TBC1D30: variants seen among roughly 807,000 people sequenced by gnomAD.
TBC1D30 encodes the protein TBC1 domain family member 30.
A neutral mutation model predicts 63.2 loss-of-function variants in TBC1D30; 31 were observed. The ratio of observed to expected loss-of-function variants is 0.49; its 90% CI spans 0.37 to 0.66. The LOEUF is 0.66. Among genes scored for constraint, TBC1D30 ranks in the 30% least tolerant of loss-of-function variants. The pLI is 0.00. For missense variants in TBC1D30, 810 were observed against 953.6 expected (o/e 0.85, Z 1.98); for synonymous variants, 307 against 361.5 (o/e 0.85, Z 1.71).
intron 8 of TBC1D30, among the ~76,000 whole-genome samples, chr12:64,860,487 A>C (rs1261307976): frequency 6.6e-6 from 1 of 151,742 alleles, no homozygotes. Flanking sequence ...TTTTTCTGTA[A>C]GTAGCAAGTT....
chr12:64,794,919 C>A (rs1872160414), intron 2 of TBC1D30, among the ~76,000 whole-genome samples: 1 of 152,046 alleles, frequency 6.6e-6, no homozygotes, highest in African/African-American at 2.4e-5. Context: ...TTTCTTATTG[C>A]TCTAAAGATA....
At chr12:64,807,918 GTTTTTTT>G (rs774145443) in intron 2 of TBC1D30, among the ~76,000 whole-genome samples, 1 of 93,528 alleles carries the variant, frequency 1.1e-5, no homozygotes, top group Non-Finnish European at 1.9e-5. Context: ...CCTAATTTAA[GTTTTTTT>G]TTTTTTTTTT....
At chr12:64,802,478 TTTTG>T (rs1470066931) in intron 2 of TBC1D30, among the ~76,000 whole-genome samples, 11 of 152,126 alleles carry the variant, frequency 7.2e-5, no homozygotes, top group East Asian at 1.9e-4. Flanking sequence ...TCCCCACCAA[TTTTG>T]TTTCTTTCTT....
At chr12:64,792,063 TAAAAC>T (rs947692810) in intron 2 of TBC1D30, among the ~76,000 whole-genome samples, 5 of 152,230 alleles carry the variant, frequency 3.3e-5, no homozygotes, top group African/African-American at 1.2e-4. Flanking sequence ...TTCAAGATGT[TAAAAC>T]AATTTCACTG....
chr12:64,829,921 TGA>T (rs1449988383), intron 3 of TBC1D30, among the ~76,000 whole-genome samples: 1 of 152,134 alleles, frequency 6.6e-6, no homozygotes, highest in Non-Finnish European at 1.5e-5. Context: ...TGTATGTGTG[TGA>T]GAGGGATGGT....
chr12:64,835,546 C>T (rs1875270342), intron 5 of TBC1D30, among the ~76,000 whole-genome samples: 1 of 152,046 alleles, frequency 6.6e-6, no homozygotes, highest in Non-Finnish European at 1.5e-5. Flanking sequence ...AGGAGCTGGT[C>T]TTTTAGGGAA....
intron 2 of TBC1D30, among the ~76,000 whole-genome samples, chr12:64,795,283 T>C (rs1393639549): frequency 6.6e-6 from 1 of 152,174 alleles, no homozygotes; most frequent in African/African-American, 2.4e-5. Flanking sequence ...TGCTGGTATT[T>C]TGGGAGCCGA....
intron 2 of TBC1D30, among the ~76,000 whole-genome samples, chr12:64,803,129 C>T (rs906972964): frequency 6.6e-6 from 1 of 152,140 alleles, no homozygotes; most frequent in Non-Finnish European, 1.5e-5. Context: ...TAAAAGTGTT[C>T]CTATTTCTCC....
intron 1 of TBC1D30, among the ~76,000 whole-genome samples, chr12:64,760,859 G>T: frequency 6.6e-6 from 1 of 150,542 alleles, no homozygotes. Context: ...TTATTACTTT[G>T]TTTTTTTCAC....
chr12:64,875,524 G>T lies in TBC1D30; in HGVS notation c.2022G>T (p.Val674=). 1 of 1,536,130 alleles carries T rather than the reference G, an allele frequency of 6.5e-7. No individual in the cohort carries two copies. The highest frequency in any genetic ancestry group is 8.7e-7 in the Non-Finnish European group (1 of 1,146,908). ...RDAAAETELR[V]HPPCQRHCPE... ...CTGCAGCTGAAACTGAGCTCAGGGT[G>T]CACCCACCCTGCCAGCGGCACTGCC... Residue 674 remains valine (V), a synonymous_variant, in exon 12 of 12, where the codon GTG becomes GTT. Transcript: ENST00000539867.
Position 64,875,006 on chromosome 12 carries a change from G to C in TBC1D30, c.1504G>C (p.Gly502Arg), listed in dbSNP as rs1402236618. The C allele has an allele frequency of 1.3e-6, 2 of 1,535,108 alleles. No individual in the cohort carries two copies. The highest frequency in any genetic ancestry group is 1.7e-6 in the Non-Finnish European group (2 of 1,146,108). Reference sequence around the variant, plus strand: ...CCTTTCAACATTTCTTTCAGACAAAGGGCCAGTGACCAGCATTCTCCCGTC... The same window carrying C: ...CCTTTCAACATTTCTTTCAGACAAACGGCCAGTGACCAGCATTCTCCCGTC... ...VHQVYIRADK[G>R]PVTSILPSQV... Residue 502 changes from glycine (G) to arginine (R), a missense_variant, in exon 12 of 12, where the codon GGG (glycine) becomes CGG (arginine). Physicochemically the swap from Gly to Arg is moderately radical, Grantham distance 125 (BLOSUM62 -2). Around this residue, in one of 4 missense-constraint regions of TBC1D30, gnomAD observed 450 missense variants for 473.0 expected, o/e 0.95. Coordinates refer to ENST00000539867, the MANE Select transcript of TBC1D30 (RefSeq NM_015279.2).
exon 1 of TBC1D30, chr12:64,780,735 G>A (rs1022540445): frequency 3.0e-6 from 3 of 984,974 alleles, no homozygotes; most frequent in South Asian, 4.7e-5. Flanking sequence ...ACGAAGCCGC[G>A]CCTCCTCCCG....
chr12:64,815,706 C>T (rs757822095), intron 2 of TBC1D30, among the ~76,000 whole-genome samples: 3 of 152,076 alleles, frequency 2.0e-5, no homozygotes, highest in Non-Finnish European at 4.4e-5. Context: ...GACTTGGGTT[C>T]AGCTTAATTA....
chr12:64,872,618 A>G (rs528158628), intron 11 of TBC1D30, among the ~76,000 whole-genome samples: 27 of 152,284 alleles, frequency 1.8e-4, no homozygotes, highest in Non-Finnish European at 2.6e-4. Context: ...AGCTGAAATT[A>G]TATGTTTCTA....
At position 64,836,546 on chromosome 12, in the gene TBC1D30, C is replaced by T. The variant is rs1226234928; in HGVS notation, c.651C>T (p.Leu217=). 6.5e-7 allele frequency: 1 copy of T among 1,535,896 alleles called. No individual in the cohort carries two copies. The highest frequency in any genetic ancestry group is 1.2e-5 in the South Asian group (1 of 84,038). Residue 217 remains leucine (L), a synonymous_variant, in exon 6 of 12, where the codon CTC becomes CTT. Transcript: ENST00000539867. ...CCGAAAGCTATTTCGTCAATAATCT[C>T]CGGGCATTGTCTGTGGATATGGCTG... ...VLPESYFVNN[L]RALSVDMAVF... is the part of the protein sequence containing the mutation.
At chr12:64,855,396 A>T (rs1386577782) in intron 8 of TBC1D30, among the ~76,000 whole-genome samples, 4 of 152,034 alleles carry the variant, frequency 2.6e-5, no homozygotes, top group African/African-American at 9.7e-5. Flanking sequence ...CTTTGATATT[A>T]TCTCTTTGAA....
chr12:64,832,533 A>G (rs1014040896), intron 5 of TBC1D30, among the ~76,000 whole-genome samples: 4 of 152,258 alleles, frequency 2.6e-5, no homozygotes, highest in Non-Finnish European at 5.9e-5. Flanking sequence ...ATAAGACATC[A>G]TATTTTTAAA....
intron 11 of TBC1D30, among the ~76,000 whole-genome samples, chr12:64,874,250 G>C (rs1291796505): frequency 6.6e-6 from 1 of 152,134 alleles, no homozygotes; most frequent in African/African-American, 2.4e-5. Flanking sequence ...ATCACACCTG[G>C]CTAATTTTTG....
Position 64,826,918 on chromosome 12 carries a change from T to A in TBC1D30, c.155-917T>A, listed in dbSNP as rs150250775. Among the ~76,000 whole-genome samples the A allele has an allele frequency of 6.1e-3, 936 of 152,258 alleles. 11 individuals carry two copies. The highest frequency in any genetic ancestry group is 0.02 in the African/African-American group (839 of 41,534). ...TTCTTGACTCCGTGTATATATATAT[T>A]TTTTAAAAGACCAGTCTACTTGATT... On this transcript the variant is annotated intron_variant, in intron 1 of 11. Coordinates refer to ENST00000539867, the MANE Select transcript of TBC1D30 (RefSeq NM_015279.2).
Sources: gnomAD v4.1 joint callset for allele counts (sites outside exome capture counted in the v4.1 genomes callset) on GRCh38, gnomAD v4.1.1 for gene constraint, gnomAD v4.1.1 regional missense constraint, MANE v1.5 for transcripts, NCBI Gene and HGNC (gene_info 2026-07-23, HGNC 2026-07-21) for gene names.